CTNNA1: variants seen among roughly 807,000 people sequenced by gnomAD.
The protein encoded by CTNNA1 is catenin alpha 1, also known as catenin alpha-1.
CTNNA1 carries 37 observed loss-of-function variants against 98.4 expected under a neutral mutation model. That is an observed-to-expected ratio of 0.38 (90% CI 0.29 to 0.49). The LOEUF (loss-of-function observed/expected upper bound fraction) is 0.49. Among genes scored for constraint, CTNNA1 ranks in the 20% least tolerant of loss-of-function variants. The pLI, the probability that CTNNA1 is intolerant of heterozygous loss-of-function variation, is 0.95. For missense variants in CTNNA1, 761 were observed against 1,147.2 expected, an observed-to-expected ratio of 0.66 and a Z score of 4.86; for synonymous variants, 404 against 413.2, an observed-to-expected ratio of 0.98 and a Z score of 0.27.
At chr5:138,811,183 T>G (rs1306595033) in intron 4 of CTNNA1, among the ~76,000 whole-genome samples, 2 of 124,582 alleles carry the variant, frequency 1.6e-5, no homozygotes, top group Admixed American at 8.4e-5. Flanking sequence ...AGGCGGAGGG[T>G]CTCCTCACTT....
chr5:138,887,558 G>A lies in CTNNA1; in HGVS notation c.1212G>A (p.Leu404=), dbSNP rs1257372712. ...FLETNVPLLV[L]IEAAKNGNEK... ...AAACCAATGTTCCACTTTTGGTATT[G>A]ATTGAAGCTGCAAAGAATGGAAATG... The change falls in exon 9 of 18, where the codon TTG becomes TTA. Residue 404 remains leucine (L), a synonymous_variant. Coordinates refer to ENST00000302763, the MANE Select transcript of CTNNA1 (RefSeq NM_001903.5). 6.2e-7 allele frequency: 1 copy of A among 1,611,978 alleles called. No individual in the cohort carries two copies. Among genetic ancestry groups the A allele is most frequent in the Non-Finnish European group, 8.5e-7 (1 of 1,178,680 alleles).
chr5:138,826,085 A>T (rs1025983940), intron 6 of CTNNA1, among the ~76,000 whole-genome samples: 1 of 152,090 alleles, frequency 6.6e-6, no homozygotes, highest in Non-Finnish European at 1.5e-5. Flanking sequence ...TTCATTTCTC[A>T]TTTTTGTTGG....
chr5:138,914,207 AAAACGTGTGATTAATTCCCTGCC>A (rs1381075310), intron 10 of CTNNA1, among the ~76,000 whole-genome samples: 1 of 152,270 alleles, frequency 6.6e-6, no homozygotes, highest in African/African-American at 2.4e-5. Context: ...AAAAATAAGT[AAAACGTGTGATTAATTCCCTGCC>A]CATGTTTACT....
chr5:138,903,217 T>C (rs1188888407), intron 9 of CTNNA1, among the ~76,000 whole-genome samples: 1 of 152,150 alleles, frequency 6.6e-6, no homozygotes, highest in African/African-American at 2.4e-5. Flanking sequence ...TAGTTAGCAG[T>C]CTTATAGAAA....
intron 3 of CTNNA1, among the ~76,000 whole-genome samples, chr5:138,788,103 T>TC (rs779920688): frequency 1.1e-4 from 16 of 152,138 alleles, no homozygotes; most frequent in Non-Finnish European, 1.8e-4. Flanking sequence ...ACCTCCCGTA[T>TC]CCCCCCATCC....
At chr5:138,826,345 A>G (rs1286427822) in intron 6 of CTNNA1, among the ~76,000 whole-genome samples, 3 of 152,244 alleles carry the variant, frequency 2.0e-5, no homozygotes, top group Non-Finnish European at 4.4e-5. Context: ...AAGAAAAATT[A>G]AAGCCATAAT....
intron 1 of CTNNA1, among the ~76,000 whole-genome samples, chr5:138,777,077 CGG>C: frequency 6.6e-6 from 1 of 150,886 alleles, no homozygotes; most frequent in African/African-American, 2.4e-5. Flanking sequence ...GGCTGCCGGG[CGG>C]AGGGGCTCCT....
intron 5 of CTNNA1, among the ~76,000 whole-genome samples, chr5:138,817,433 C>G (rs931588017): frequency 5.9e-5 from 9 of 152,068 alleles, no homozygotes; most frequent in Admixed American, 2.6e-4. Flanking sequence ...ACTTTTTGGG[C>G]TTTTTGGATC....
At chr5:138,773,547 A>G (rs1466473097) in intron 1 of CTNNA1, among the ~76,000 whole-genome samples, 1 of 152,208 alleles carries the variant, frequency 6.6e-6, no homozygotes, top group Non-Finnish European at 1.5e-5. Flanking sequence ...GGTGCTATAC[A>G]GGGCAGTCTG....
chr5:138,817,065 A>G (rs773506053), intron 5 of CTNNA1, among the ~76,000 whole-genome samples: 3 of 152,162 alleles, frequency 2.0e-5, no homozygotes, highest in Non-Finnish European at 4.4e-5. Context: ...AGTTGTTTGT[A>G]TATTCTAGAT....
chr5:138,887,465 C>CA lies in CTNNA1; in HGVS notation c.1144-22dup, dbSNP rs1289070155. The stretch of plus-strand genomic sequence containing the variant: ...AATACCTTTTTGGTAGAAATAAAAT[C>CA]AAATTTTTACAATTTAATCATTAGC... On this transcript the variant is annotated intron_variant, in intron 8 of 17. Coordinates refer to ENST00000302763, the MANE Select transcript of CTNNA1 (RefSeq NM_001903.5). The CA allele has an allele frequency of 5.8e-6, 9 of 1,555,110 alleles. No homozygotes were observed. In the Admixed American group the frequency reaches 9.8e-5, roughly 17 times the overall value.
At chr5:138,882,720 A>G (rs1050308626) in intron 7 of CTNNA1, among the ~76,000 whole-genome samples, 2 of 152,256 alleles carry the variant, frequency 1.3e-5, no homozygotes, top group African/African-American at 4.8e-5. Context: ...TATACGCTAC[A>G]GGGTTGCTTT....
At chr5:138,859,771 G>A (rs1028790937) in intron 7 of CTNNA1, among the ~76,000 whole-genome samples, 4 of 152,028 alleles carry the variant, frequency 2.6e-5, no homozygotes, top group Admixed American at 1.3e-4. Context: ...AGGCAGGTGT[G>A]GTGCCATGCA....
intron 1 of CTNNA1, among the ~76,000 whole-genome samples, chr5:138,756,356 G>A (rs576407149): frequency 6.6e-6 from 1 of 151,944 alleles, no homozygotes; most frequent in Non-Finnish European, 1.5e-5. Flanking sequence ...TAGCAGAGAT[G>A]GGGTTTCATC....
rs1581105995 is a variant in CTNNA1 at position 138,810,210 on chromosome 5, T to TA, written c.468+7dup. The TA allele has an allele frequency of 1.2e-6, 2 of 1,612,496 alleles. No individual in the cohort carries two copies. The highest frequency in any genetic ancestry group is 1.7e-6 in the Non-Finnish European group (2 of 1,178,572). ...TACTTGTTCAGCTGAAAGTTGTAAG[T>TA]ATACAGGCCTATGTCTGTAATTTGT... On this transcript the variant is annotated splice_region_variant and intron_variant, in intron 4 of 17. Coordinates refer to ENST00000302763, the MANE Select transcript of CTNNA1 (RefSeq NM_001903.5).
rs772560994 is a variant in CTNNA1 at position 138,924,651 on chromosome 5, A to G, written c.1688A>G (p.Tyr563Cys). Residue 563 changes from tyrosine (Y) to cysteine (C), a missense_variant, in exon 12 of 18, where the codon TAT (tyrosine) becomes TGT (cysteine). Around this residue, in one of 6 missense-constraint regions of CTNNA1, gnomAD observed 287 missense variants for 436.0 expected, o/e 0.66. Coordinates refer to ENST00000302763, the MANE Select transcript of CTNNA1 (RefSeq NM_001903.5). The part of the protein sequence containing the change: ...IHVVTSEMDN[Y>C]EPGVYTEKVL... ...GTAGTCACCTCAGAGATGGACAACTATGAGCCAGGAGTCTACACAGAGAAG... is the reference window on the plus strand; with the variant it reads ...GTAGTCACCTCAGAGATGGACAACTGTGAGCCAGGAGTCTACACAGAGAAG... 3.1e-6 allele frequency: 5 copies of G among 1,609,554 alleles called. No individual in the cohort carries two copies. The highest frequency in any genetic ancestry group is 4.2e-6 in the Non-Finnish European group (5 of 1,177,800).
At position 138,763,496 on chromosome 5, in the gene CTNNA1, C is replaced by T. The variant is rs74986572; in HGVS notation, c.-3+9986C>T. Among the ~76,000 whole-genome samples the T allele has an allele frequency of 5.3e-3, 800 of 152,220 alleles. 10 individuals carry two copies. The highest frequency in any genetic ancestry group is 0.042 in the East Asian group (220 of 5,188). On this transcript the variant is annotated intron_variant, in intron 1 of 17. Coordinates refer to ENST00000302763, the MANE Select transcript of CTNNA1 (RefSeq NM_001903.5). ...TAGCTGGGACCATAGGTGTGTACTA[C>T]GACACCCAGCTAATTTTTTACATTT...
chr5:138,874,945 C>T lies in CTNNA1; in HGVS notation c.1063-11267C>T, dbSNP rs764128098. ...GCACATTGGAGGCTGCATTCAGTCGCGGTTGTTAGACTCAACGCAGTGAGT... is the reference window on the plus strand; with the variant it reads ...GCACATTGGAGGCTGCATTCAGTCGTGGTTGTTAGACTCAACGCAGTGAGT... On this transcript the variant is annotated intron_variant, in intron 7 of 17. Coordinates refer to ENST00000302763, the MANE Select transcript of CTNNA1 (RefSeq NM_001903.5). The surrounding 1 kb of genome is among the most constrained non-coding windows in gnomAD (Gnocchi z 4.1). The T allele has an allele frequency of 2.9e-5, 47 of 1,612,900 alleles. No homozygotes were observed. Among genetic ancestry groups the T allele is most frequent in the Admixed American group, 2.0e-4 (12 of 59,970 alleles).
At chr5:138,905,130 A>AC (rs1758953305) in intron 10 of CTNNA1, among the ~76,000 whole-genome samples, 2 of 150,778 alleles carry the variant, frequency 1.3e-5, no homozygotes, top group East Asian at 1.9e-4. Context: ...ATACATACAT[A>AC]AATACAAAAA....
Sources: allele counts gnomAD v4.1 joint callset (sites outside exome capture counted in the v4.1 genomes callset), GRCh38; gene constraint gnomAD v4.1.1; regional missense constraint gnomAD v4.1.1; non-coding constraint Gnocchi (gnomAD v3.1); transcripts MANE v1.5; gene names NCBI Gene and HGNC (gene_info 2026-07-23, HGNC 2026-07-21).